Variants in TET1 observed in about 807,000 individuals in gnomAD.
TET1 encodes methylcytosine dioxygenase TET1.
TET1 carries 13 observed loss-of-function variants against 148.7 expected under a neutral mutation model. The ratio of observed to expected loss-of-function variants is 0.09; its 90% CI spans 0.06 to 0.14. The LOEUF is 0.14. Ranked by LOEUF, TET1 falls within the 10% of genes least tolerant of loss-of-function variation. The probability of loss-of-function intolerance (pLI) is 1.00; values close to 1 mark genes in which losing one functional copy is unlikely to be tolerated. For missense variants in TET1, 2,182 were observed against 2,553.8 expected (o/e 0.85, Z 3.14); for synonymous variants, 907 against 937.2 (o/e 0.97, Z 0.59).
At chr10:68,604,005 C>T (rs1343099909) in intron 3 of TET1, among the ~76,000 whole-genome samples, 1 of 152,088 alleles carries the variant, frequency 6.6e-6, no homozygotes, top group African/African-American at 2.4e-5. Flanking sequence ...TATTGGTGAT[C>T]ACTAGTTATT....
chr10:68,676,260 ATATATATATTTTTTTTTTTT>A (rs1334424855), intron 8 of TET1, among the ~76,000 whole-genome samples: 1 of 15,358 alleles, frequency 6.5e-5, no homozygotes, highest in African/African-American at 2.3e-4. Context: ...ATATATATAT[ATATATATATTTTTTTTTTTT>A]TTTTTTTTTT....
chr10:68,647,059 A>G, intron 4 of TET1, 54 bp downstream of exon 4: 2 of 1,515,058 alleles, frequency 1.3e-6, no homozygotes, highest in South Asian at 2.6e-5. Context: ...TACCTCAATC[A>G]TGACTGAAGC....
intron 2 of TET1, among the ~76,000 whole-genome samples, chr10:68,575,418 T>TAAATAAATAAATAAAG (rs1172758137): frequency 1.4e-5 from 2 of 147,082 alleles, no homozygotes; most frequent in Admixed American, 6.8e-5. Context: ...AATAAATAAA[T>TAAATAAATAAATAAAG]AAAGTATTGT....
intron 3 of TET1, among the ~76,000 whole-genome samples, chr10:68,638,366 T>C (rs78714493): frequency 0.022 from 3,320 of 152,324 alleles, 57 homozygotes; most frequent in Non-Finnish European, 0.033. Flanking sequence ...CACATAATAC[T>C]TTGTTAATAA....
At chr10:68,678,001 G>A (rs1589131245) in intron 8 of TET1, among the ~76,000 whole-genome samples, 1 of 151,196 alleles carries the variant, frequency 6.6e-6, no homozygotes, top group African/African-American at 2.4e-5. Context: ...GAGGAGGGAG[G>A]CCACCCACCT....
chr10:68,671,317 G>C (rs547312372), intron 7 of TET1, among the ~76,000 whole-genome samples: 1 of 152,300 alleles, frequency 6.6e-6, no homozygotes, highest in South Asian at 2.1e-4. Flanking sequence ...TTTTGTTCCT[G>C]TGTTAGTTTG....
At chr10:68,594,947 C>T (rs954328040) in intron 2 of TET1, among the ~76,000 whole-genome samples, 26 of 148,878 alleles carry the variant, frequency 1.7e-4, no homozygotes, top group African/African-American at 6.5e-4. Flanking sequence ...CCATTGCACT[C>T]CAGCCTGGGC....
Position 68,684,052 on chromosome 10 carries a change from C to T in TET1, c.5052+1079C>T, listed in dbSNP as rs73262455. Among the ~76,000 whole-genome samples the T allele has an allele frequency of 4.5e-3, 677 of 152,090 alleles. 1 individual carries two copies. The highest frequency in any genetic ancestry group is 0.016 in the African/African-American group (645 of 41,490). On this transcript the variant is annotated intron_variant, in intron 10 of 11. Transcript: ENST00000373644. ...CAATTGCTTTTGTTTTTCTGCTGCA[C>T]CAGTTTTTTAGGTTTGCCAGAGAAT...
chr10:68,683,187 C>T (rs1589133708), intron 10 of TET1, among the ~76,000 whole-genome samples: 1 of 152,258 alleles, frequency 6.6e-6, no homozygotes, highest in East Asian at 1.9e-4. Context: ...GTAACAGGGC[C>T]AGCTTCAAAC....
At chr10:68,617,006 C>CT (rs71019039) in intron 3 of TET1, among the ~76,000 whole-genome samples, 6 of 39,614 alleles carry the variant, frequency 1.5e-4, no homozygotes, top group Non-Finnish European at 2.3e-4. Context: ...CGCGCCTGGC[C>CT]TTTTTTTTTT....
At chr10:68,610,795 A>G (rs1227930195) in intron 3 of TET1, among the ~76,000 whole-genome samples, 1 of 152,042 alleles carries the variant, frequency 6.6e-6, no homozygotes, top group Non-Finnish European at 1.5e-5. Flanking sequence ...AGCTGGGACC[A>G]TAGGTGTGCA....
intron 3 of TET1, among the ~76,000 whole-genome samples, chr10:68,609,480 A>T (rs1378867006): frequency 2.0e-5 from 3 of 151,666 alleles, no homozygotes; most frequent in African/African-American, 7.3e-5. Flanking sequence ...TATTTTTAAA[A>T]TTTTTTGCAG....
At chr10:68,611,184 G>A (rs773525248) in intron 3 of TET1, among the ~76,000 whole-genome samples, 6 of 151,936 alleles carry the variant, frequency 3.9e-5, no homozygotes, top group Admixed American at 2.0e-4. Context: ...CCAGCTACTC[G>A]GGAGGCTGAG....
At chr10:68,561,720 T>TAG (rs1564943181) in intron 1 of TET1, among the ~76,000 whole-genome samples, 1 of 116,956 alleles carries the variant, frequency 8.6e-6, no homozygotes, top group Non-Finnish European at 1.8e-5. Context: ...CCCGCTCCGG[T>TAG]CCCCGCCTCT....
In TET1 at chr10:68,645,274, A is replaced by G. The variant is rs2054823657; in HGVS notation, c.2545A>G (p.Ile849Val). Residue 849 changes from isoleucine (I) to valine (V), a missense_variant, in exon 4 of 12, where the codon ATA becomes GTA. This residue lies in a region of TET1 where 582 missense variants were observed against 599.5 expected (regional missense o/e 0.97). Coordinates refer to ENST00000373644, the MANE Select transcript of TET1 (RefSeq NM_030625.3). Reference sequence around the variant, plus strand: ...CTCCATCATAAATCATCATGCTAGTATACACAATGAAGGTGATCAACCAAA... The same window carrying G: ...CTCCATCATAAATCATCATGCTAGTGTACACAATGAAGGTGATCAACCAAA... ...SHSIINHHAS[I>V]HNEGDQPKTP... 4 of 1,614,206 alleles carry G rather than the reference A, an allele frequency of 2.5e-6. No homozygotes were observed. The highest frequency in any genetic ancestry group is 1.1e-5 in the South Asian group (1 of 91,084).
At chr10:68,640,544 C>CTTTCTTTTT (rs1564985245) in intron 3 of TET1, among the ~76,000 whole-genome samples, 2 of 42,884 alleles carry the variant, frequency 4.7e-5, no homozygotes, top group Non-Finnish European at 7.7e-5. Context: ...TTCTTTCTTT[C>CTTTCTTTTT]TTTTTTTTTT....
Position 68,572,833 on chromosome 10 carries a change from C to T in TET1, c.495C>T (p.Val165=). The T allele has an allele frequency of 6.2e-7, 1 of 1,614,136 alleles. No homozygotes were observed. Among genetic ancestry groups the T allele is most frequent in the Non-Finnish European group, 8.5e-7 (1 of 1,180,020 alleles). ...NDSVPMQDTQ[V]LPDIETLIGV... ...CGGTTCCAATGCAAGACACCCAAGTCCTTCCTGATATAGAGACTCTAATTG... is the reference window on the plus strand; with the variant it reads ...CGGTTCCAATGCAAGACACCCAAGTTCTTCCTGATATAGAGACTCTAATTG... Residue 165 remains valine, a synonymous_variant, in exon 2 of 12, where the codon GTC becomes GTT. Coordinates refer to ENST00000373644, the MANE Select transcript of TET1 (RefSeq NM_030625.3).
In TET1 at chr10:68,572,828, C is replaced by G. The variant is rs1449177074; in HGVS notation, c.490C>G (p.Gln164Glu). The change falls in exon 2 of 12, where the codon CAA becomes GAA. Residue 164 changes from glutamine to glutamate, a missense_variant. By Grantham distance (29) the Gln-to-Glu change is conservative (BLOSUM62 2). Transcript: ENST00000373644. ...TGATTCGGTTCCAATGCAAGACACC[C>G]AAGTCCTTCCTGATATAGAGACTCT... ...ENDSVPMQDT[Q>E]VLPDIETLIG... The G allele has an allele frequency of 6.2e-7, 1 of 1,614,118 alleles. No homozygotes were observed. Among genetic ancestry groups the G allele is most frequent in the Non-Finnish European group, 8.5e-7 (1 of 1,180,004 alleles).
In TET1 at chr10:68,646,544, C is replaced by G; in HGVS notation, c.3815C>G (p.Ser1272Cys). Reference protein sequence around the residue: ...SLSLFHLKTESNGKAFTDKAY... With the variant: ...SLSLFHLKTECNGKAFTDKAY... ...AGCTTATTTCATCTTAAAACGGAATCCAACGGGAAGGCATTCACTGATAAA... is the reference window on the plus strand; with the variant it reads ...AGCTTATTTCATCTTAAAACGGAATGCAACGGGAAGGCATTCACTGATAAA... The change falls in exon 4 of 12, where the codon TCC (serine) becomes TGC (cysteine). Residue 1272 changes from serine to cysteine, a missense_variant. Coordinates refer to ENST00000373644, the MANE Select transcript of TET1 (RefSeq NM_030625.3). 1 of 1,614,124 alleles carries G rather than the reference C, an allele frequency of 6.2e-7. No homozygotes were observed. Among genetic ancestry groups the G allele is most frequent in the Non-Finnish European group, 8.5e-7 (1 of 1,180,020 alleles).
Sources: gnomAD v4.1 joint callset for allele counts (sites outside exome capture counted in the v4.1 genomes callset) on GRCh38, gnomAD v4.1.1 for gene constraint, gnomAD v4.1.1 regional missense constraint, MANE v1.5 for transcripts, NCBI Gene and HGNC (gene_info 2026-07-23, HGNC 2026-07-21) for gene names.